Variants in TAOK3 observed in about 807,000 individuals in gnomAD.
TAOK3 encodes the protein TAO kinase 3.
TAOK3 carries 40 observed loss-of-function variants against 120.4 expected under a neutral mutation model. The ratio of observed to expected loss-of-function variants is 0.33; its 90% CI spans 0.26 to 0.43. The LOEUF (loss-of-function observed/expected upper bound fraction) is 0.43, where lower values mean the gene tolerates loss of function less well. TAOK3 is among the 20% of genes least tolerant of loss of function. The pLI, the probability that TAOK3 is intolerant of heterozygous loss-of-function variation, is 1.00. For missense variants in TAOK3, 821 were observed against 1,112.1 expected (o/e 0.74, Z 3.72); for synonymous variants, 355 against 387.5 (o/e 0.92, Z 0.99).
chr12:118,252,158 G>A (rs2040783658), intron 3 of TAOK3, among the ~76,000 whole-genome samples: 1 of 152,170 alleles, frequency 6.6e-6, no homozygotes, highest in Non-Finnish European at 1.5e-5. Context: ...AATAGAGACT[G>A]ACTCTTGCCA....
At chr12:118,360,041 G>A (rs1204712652) in intron 1 of TAOK3, among the ~76,000 whole-genome samples, 2 of 152,078 alleles carry the variant, frequency 1.3e-5, no homozygotes, top group African/African-American at 2.4e-5. Context: ...CGAGGCAGGC[G>A]GATCACCTGA....
At chr12:118,164,057 T>A (rs2035409380) in intron 17 of TAOK3, among the ~76,000 whole-genome samples, 1 of 150,844 alleles carries the variant, frequency 6.6e-6, no homozygotes, top group Non-Finnish European at 1.5e-5. Flanking sequence ...GGGCGGTGGC[T>A]CACGCCTGCA....
rs2043631739 is a variant in TAOK3 at position 118,319,921 on chromosome 12, A to G, written c.-194+52727T>C. ...CAATGTTCATACCAGCATTATTCAC[A>G]ATAGCCAAAAGGTGGAAACAACGTG... On this transcript the variant is annotated intron_variant, in intron 1 of 20. Coordinates refer to ENST00000392533, the MANE Select transcript of TAOK3 (RefSeq NM_016281.4). 2.0e-5 allele frequency among the ~76,000 whole-genome samples: 3 copies of G among 152,220 alleles called. No individual in the cohort carries two copies. In the South Asian group the frequency reaches 6.2e-4, roughly 32 times the overall value.
At chr12:118,302,432 G>T (rs1770157166) in intron 1 of TAOK3, among the ~76,000 whole-genome samples, 2 of 152,146 alleles carry the variant, frequency 1.3e-5, no homozygotes, top group African/African-American at 4.8e-5. Flanking sequence ...CTGACTTGTG[G>T]TATTGGTTAA....
chr12:118,363,741 T>C (rs999559839), intron 1 of TAOK3, among the ~76,000 whole-genome samples: 1 of 151,284 alleles, frequency 6.6e-6, no homozygotes, highest in Non-Finnish European at 1.5e-5. Context: ...TGTGTGTGTG[T>C]GTGTGTGTGT....
At chr12:118,278,201 C>T (rs1466369284) in intron 1 of TAOK3, among the ~76,000 whole-genome samples, 4 of 152,024 alleles carry the variant, frequency 2.6e-5, no homozygotes, top group African/African-American at 4.8e-5. Flanking sequence ...TATATAGGTA[C>T]ATTGCACAGG....
chr12:118,271,345 C>G (rs1327371738), intron 1 of TAOK3, among the ~76,000 whole-genome samples: 2 of 152,140 alleles, frequency 1.3e-5, no homozygotes, highest in African/African-American at 2.4e-5. Flanking sequence ...CTCGCCCCAC[C>G]CCATTCCCTC....
At chr12:118,236,445 T>A (rs1212472996) in intron 7 of TAOK3, 2 of 152,276 alleles carry the variant, frequency 1.3e-5, no homozygotes, top group South Asian at 4.1e-4. Flanking sequence ...TTTTTCATTA[T>A]GGTAATTTAG....
chr12:118,311,587 G>A (rs772305480), intron 1 of TAOK3, among the ~76,000 whole-genome samples: 4 of 151,692 alleles, frequency 2.6e-5, no homozygotes, highest in Admixed American at 6.6e-5. Context: ...AATCCCAAGA[G>A]ACAAAGAATA....
Position 118,339,162 on chromosome 12 carries a change from CTTA to C in TAOK3, c.-194+33483_-194+33485del, listed in dbSNP as rs560158677. Among the ~76,000 whole-genome samples the C allele has an allele frequency of 1.4e-3, 214 of 151,440 alleles. 2 individuals carry two copies. Among genetic ancestry groups the C allele is most frequent in the Non-Finnish European group, 2.5e-3 (171 of 67,912 alleles). ...CAGTGAATGATAATCAGATTTGTCA[CTTA>C]TTAAGTTAACTCTAAAGGCAGTGAT... On this transcript the variant is annotated intron_variant, in intron 1 of 20. Transcript: ENST00000392533.
At chr12:118,248,374 G>T (rs772328343) in intron 3 of TAOK3, among the ~76,000 whole-genome samples, 1 of 152,014 alleles carries the variant, frequency 6.6e-6, no homozygotes, top group Non-Finnish European at 1.5e-5. Flanking sequence ...AGTACAGAAT[G>T]ACTTTTGTTA....
chr12:118,248,302 C>G (rs558784830), intron 3 of TAOK3, among the ~76,000 whole-genome samples: 1 of 151,314 alleles, frequency 6.6e-6, no homozygotes, highest in Non-Finnish European at 1.5e-5. Flanking sequence ...ATCCACTAGA[C>G]ATAATTTTCC....
At chr12:118,314,615 G>T (rs1593508799) in intron 1 of TAOK3, among the ~76,000 whole-genome samples, 2 of 152,216 alleles carry the variant, frequency 1.3e-5, no homozygotes, top group South Asian at 2.1e-4. Context: ...AACATCCAAG[G>T]TTGGAAAAGA....
intron 1 of TAOK3, among the ~76,000 whole-genome samples, chr12:118,335,808 G>A (rs1396274618): frequency 6.6e-6 from 1 of 152,136 alleles, no homozygotes; most frequent in Non-Finnish European, 1.5e-5. Context: ...CAGTCTGGGC[G>A]ACAGAGTGAG....
intron 11 of TAOK3, among the ~76,000 whole-genome samples, chr12:118,202,135 A>G (rs1324964193): frequency 6.7e-6 from 1 of 149,468 alleles, no homozygotes; most frequent in East Asian, 1.9e-4. Context: ...TCTTAAGACT[A>G]TATATAAAAT....
chr12:118,228,997 C>T (rs1407141147), intron 9 of TAOK3, among the ~76,000 whole-genome samples: 1 of 152,172 alleles, frequency 6.6e-6, no homozygotes, highest in African/African-American at 2.4e-5. Flanking sequence ...TCATGGCTCA[C>T]TGCGGCCTTG....
At position 118,340,756 on chromosome 12, in the gene TAOK3, T is replaced by C. The variant is rs377573672; in HGVS notation, c.-194+31892A>G. Among the ~76,000 whole-genome samples, 12 of 150,644 alleles carry C rather than the reference T, an allele frequency of 8.0e-5. No individual in the cohort carries two copies. In the East Asian group the frequency reaches 2.2e-3, roughly 27 times the overall value. On this transcript the variant is annotated intron_variant, in intron 1 of 20. Coordinates refer to ENST00000392533, the MANE Select transcript of TAOK3 (RefSeq NM_016281.4). Reference sequence around the variant, plus strand: ...TTCATCTATAAATATTCAGAATGTATGTCTAAAAGATAAGAACCATAAAAA... The same window carrying C: ...TTCATCTATAAATATTCAGAATGTACGTCTAAAAGATAAGAACCATAAAAA...
At chr12:118,197,101 C>T (rs10507286) in intron 13 of TAOK3, among the ~76,000 whole-genome samples, 18,464 of 152,062 alleles carry the variant, frequency 0.12, 1,204 homozygotes, top group Middle Eastern at 0.15. Flanking sequence ...AGCTCAGGTA[C>T]AAGAACTAAA....
intron 2 of TAOK3, among the ~76,000 whole-genome samples, chr12:118,261,843 C>T (rs1167308561): frequency 1.3e-5 from 2 of 152,044 alleles, no homozygotes; most frequent in African/African-American, 4.8e-5. Flanking sequence ...AAGATCAACA[C>T]ATAAAATGAT....
Sources: gnomAD v4.1 joint callset for allele counts (sites outside exome capture counted in the v4.1 genomes callset) on GRCh38, gnomAD v4.1.1 for gene constraint, MANE v1.5 for transcripts, NCBI Gene and HGNC (gene_info 2026-07-23, HGNC 2026-07-21) for gene names.